The following ZDHHC21 variants were observed in gnomAD, a reference collection of about 807,000 sequenced individuals.
The protein encoded by ZDHHC21 is palmitoyltransferase ZDHHC21.
A neutral mutation model predicts 34.6 loss-of-function variants in ZDHHC21; 15 were observed. The observed-to-expected ratio is 0.43, with a 90% CI of 0.29 to 0.67. The LOEUF (loss-of-function observed/expected upper bound fraction) is 0.67. Among genes scored for constraint, ZDHHC21 ranks in the 30% least tolerant of loss-of-function variants. The pLI is 0.14. For synonymous variants in ZDHHC21, 142 were observed against 101.8 expected (o/e 1.40, Z -2.38); for missense variants, 344 against 327.7 (o/e 1.05, Z -0.38).
chr9:14,636,790 A>C (rs1828386631), intron 8 of ZDHHC21, among the ~76,000 whole-genome samples: 1 of 152,182 alleles, frequency 6.6e-6, no homozygotes, highest in Non-Finnish European at 1.5e-5. Context: ...AAATTAAGCA[A>C]CGTGGTTCTT....
the ZDHHC21 span, chr9:14,588,819 T>C: frequency 1.3e-5 from 2 of 152,190 alleles, no homozygotes; most frequent in South Asian, 4.1e-4. Context: ...TCTGGCTTTA[T>C]TTCATGTAAC....
intron 8 of ZDHHC21, among the ~76,000 whole-genome samples, chr9:14,629,354 T>C (rs1015837678): frequency 6.6e-6 from 1 of 152,152 alleles, no homozygotes; most frequent in South Asian, 2.1e-4. Context: ...AAAAAACCCT[T>C]GCAATTTGAG....
intron 7 of ZDHHC21, among the ~76,000 whole-genome samples, chr9:14,657,424 G>C (rs1380770549): frequency 1.3e-5 from 2 of 152,070 alleles, no homozygotes; most frequent in Non-Finnish European, 2.9e-5. Context: ...CAAAACTTAT[G>C]CATGTAATAA....
At chr9:14,622,301 A>G (rs532860226) in intron 8 of ZDHHC21, among the ~76,000 whole-genome samples, 271 of 152,166 alleles carry the variant, frequency 1.8e-3, no homozygotes, top group Non-Finnish European at 3.1e-3. Flanking sequence ...CTAATATTTT[A>G]TCTTCTGATG....
At chr9:14,661,591 C>G (rs894609278) in intron 6 of ZDHHC21, among the ~76,000 whole-genome samples, 3 of 152,132 alleles carry the variant, frequency 2.0e-5, no homozygotes, top group African/African-American at 7.2e-5. Context: ...AGAATTCACG[C>G]AGCATTTGTT....
intron 7 of ZDHHC21, among the ~76,000 whole-genome samples, chr9:14,658,090 G>GT (rs1196221454): frequency 6.6e-6 from 1 of 152,072 alleles, no homozygotes; most frequent in African/African-American, 2.4e-5. Context: ...TCTCAAGAAC[G>GT]TAACTATTTG....
intron 8 of ZDHHC21, among the ~76,000 whole-genome samples, chr9:14,638,808 A>G (rs113303631): frequency 1.9e-4 from 29 of 152,216 alleles, no homozygotes; most frequent in Admixed American, 6.5e-4. Flanking sequence ...CAAAACCACA[A>G]TAACATATCA....
At position 14,611,392 on chromosome 9, in the gene ZDHHC21, T is replaced by C. The variant is rs1823275404; in HGVS notation, c.*7574A>G. ...AACTATTCTTACATCTCTCAACTAC[T>C]ATTTTCCTAATTACCATCAACACTA... On this transcript the variant is annotated 3_prime_UTR_variant, in exon 10 of 10. Coordinates refer to ENST00000380916, the MANE Select transcript of ZDHHC21 (RefSeq NM_178566.6). The C allele has an allele frequency of 6.6e-6, 1 of 152,006 alleles. No homozygotes were observed. Among genetic ancestry groups the C allele is most frequent in the African/African-American group, 2.4e-5 (1 of 41,436 alleles). The allele number at this position is 152,006 out of a possible 1,614,324, so 9.4% of individuals were successfully genotyped here. A position where few individuals can be genotyped will look rare whatever the true frequency, so the allele number is the denominator to read the frequency against.
intron 8 of ZDHHC21, among the ~76,000 whole-genome samples, chr9:14,625,102 A>C (rs1825983046): frequency 6.7e-6 from 1 of 149,254 alleles, no homozygotes; most frequent in African/African-American, 2.5e-5. Flanking sequence ...TTTAACTTTA[A>C]ATTTTTCCAT....
At chr9:14,627,709 T>G (rs775266124) in intron 8 of ZDHHC21, among the ~76,000 whole-genome samples, 67 of 152,248 alleles carry the variant, frequency 4.4e-4, no homozygotes, top group Non-Finnish European at 7.4e-4. Flanking sequence ...TGTCAGAACC[T>G]CACCAGAATG....
chr9:14,681,008 G>A (rs1837280097), intron 2 of ZDHHC21, among the ~76,000 whole-genome samples: 1 of 152,126 alleles, frequency 6.6e-6, no homozygotes, highest in South Asian at 2.1e-4. Context: ...ATAAGCAAAG[G>A]CATAAAGGCA....
At chr9:14,634,563 C>A (rs1827942341) in intron 8 of ZDHHC21, among the ~76,000 whole-genome samples, 1 of 152,192 alleles carries the variant, frequency 6.6e-6, no homozygotes, top group South Asian at 2.1e-4. Flanking sequence ...CCCTAAGCCA[C>A]TGATGAAATC....
intron 2 of ZDHHC21, chr9:14,683,433 T>C (rs1000733349): frequency 6.6e-6 from 1 of 151,962 alleles, no homozygotes; most frequent in African/African-American, 2.4e-5. Context: ...TCTATGCAAA[T>C]AAACTAGAAA....
At chr9:14,635,560 G>A (rs1326636965) in intron 8 of ZDHHC21, among the ~76,000 whole-genome samples, 2 of 152,132 alleles carry the variant, frequency 1.3e-5, no homozygotes, top group Non-Finnish European at 2.9e-5. Context: ...AACACTTTCA[G>A]ACAAAAACAC....
intron 7 of ZDHHC21, among the ~76,000 whole-genome samples, chr9:14,648,132 G>A (rs7849480): frequency 0.42 from 63,445 of 151,806 alleles, 13,365 homozygotes; most frequent in Non-Finnish European, 0.44. Context: ...TTGACGTTTC[G>A]CATTCTATCT....
At chr9:14,663,854 G>C (rs1430770488) in intron 5 of ZDHHC21, among the ~76,000 whole-genome samples, 1 of 152,026 alleles carries the variant, frequency 6.6e-6, no homozygotes, top group African/African-American at 2.4e-5. Flanking sequence ...AATTTACATA[G>C]TTAAACTAGT....
intron 3 of ZDHHC21, among the ~76,000 whole-genome samples, chr9:14,676,091 T>C (rs937442377): frequency 4.0e-4 from 61 of 152,126 alleles, no homozygotes; most frequent in African/African-American, 1.4e-3. Context: ...GGGATTAACA[T>C]GACGAAATGT....
At chr9:14,643,263 T>C (rs969422742) in intron 7 of ZDHHC21, among the ~76,000 whole-genome samples, 3 of 151,790 alleles carry the variant, frequency 2.0e-5, no homozygotes, top group Non-Finnish European at 4.4e-5. Context: ...AATATATATA[T>C]ATAAAGAAGA....
intron 8 of ZDHHC21, among the ~76,000 whole-genome samples, chr9:14,628,873 T>C (rs755504664): frequency 7.9e-5 from 12 of 152,226 alleles, no homozygotes; most frequent in Non-Finnish European, 1.6e-4. Flanking sequence ...AAACACCGAA[T>C]GCATTAGACT....
Sources: allele counts gnomAD v4.1 joint callset (sites outside exome capture counted in the v4.1 genomes callset), GRCh38; gene constraint gnomAD v4.1.1; transcripts MANE v1.5; gene names NCBI Gene and HGNC (gene_info 2026-07-23, HGNC 2026-07-21).